Variants in LPAR6 observed in about 807,000 individuals in gnomAD.
The protein encoded by LPAR6 is lysophosphatidic acid receptor 6.
A neutral mutation model predicts 22.0 loss-of-function variants in LPAR6; 17 were observed. The ratio of observed to expected loss-of-function variants is 0.77; its 90% CI spans 0.53 to 1.16. The LOEUF (loss-of-function observed/expected upper bound fraction) is 1.16. Ranked by LOEUF, LPAR6 falls within the 50% of genes most tolerant of loss-of-function variation. LPAR6 has a pLI of 0.00. For synonymous variants in LPAR6, 136 were observed against 139.8 expected (o/e 0.97, Z 0.19); for missense variants, 384 against 406.9 (o/e 0.94, Z 0.48).
intron 1 of LPAR6, among the ~76,000 whole-genome samples, chr13:48,433,042 C>G (rs1298917961): frequency 6.6e-6 from 1 of 152,012 alleles, no homozygotes; most frequent in Non-Finnish European, 1.5e-5. Flanking sequence ...TCTACTGTGT[C>G]TTATAAACTC....
intron 1 of LPAR6, among the ~76,000 whole-genome samples, chr13:48,442,214 T>G (rs954805867): frequency 2.6e-5 from 4 of 152,104 alleles, no homozygotes; most frequent in African/African-American, 7.2e-5. Context: ...TTATTTTTTT[T>G]TTTTGAAATG....
intron 1 of LPAR6, among the ~76,000 whole-genome samples, chr13:48,405,790 A>C (rs939867221): frequency 2.0e-5 from 3 of 152,012 alleles, no homozygotes; most frequent in Non-Finnish European, 2.9e-5. Flanking sequence ...TTCCAACCCC[A>C]CCCTTGTTTT....
At chr13:48,424,706 C>T (rs1195366823) in intron 1 of LPAR6, among the ~76,000 whole-genome samples, 1 of 152,116 alleles carries the variant, frequency 6.6e-6, no homozygotes, top group Non-Finnish European at 1.5e-5. Flanking sequence ...CTTTTCTGTA[C>T]TTCCACAGTA....
chr13:48,412,109 C>G lies in LPAR6; in HGVS notation c.315G>C (p.Leu105=). ...GATCTACACTAATACAGGTTAAGAACAGAATGCTTCCGTACATGTTGGTAT... is the reference window on the plus strand; with the variant it reads ...GATCTACACTAATACAGGTTAAGAAGAGAATGCTTCCGTACATGTTGGTAT... ...LFYTNMYGSI[L]FLTCISVDRF... The change falls in exon 1 of 1, where the codon CTG becomes CTC. Residue 105 remains leucine, a synonymous_variant. Coordinates refer to ENST00000620633, the MANE Select transcript of LPAR6 (RefSeq NM_001162498.3). The G allele has an allele frequency of 6.2e-7, 1 of 1,613,370 alleles. No homozygotes were observed. The highest frequency in any genetic ancestry group is 8.5e-7 in the Non-Finnish European group (1 of 1,179,712).
At chr13:48,417,464 A>G (rs1948931791), upstream of LPAR6, 1 of 152,234 alleles carries the variant, frequency 6.6e-6, no homozygotes, top group African/African-American at 2.4e-5. Context: ...ATCCATGAAG[A>G]TGAGGAAAAA....
At chr13:48,416,942 A>G (rs1365121478), upstream of LPAR6, among the ~76,000 whole-genome samples, 1 of 152,210 alleles carries the variant, frequency 6.6e-6, no homozygotes, top group Non-Finnish European at 1.5e-5. Context: ...TAAAACTGCC[A>G]TCTCCCTGGG....
chr13:48,411,783 G>C lies in LPAR6; in HGVS notation c.641C>G (p.Pro214Arg). 6.2e-7 allele frequency: 1 copy of C among 1,611,418 alleles called. No homozygotes were observed. Among genetic ancestry groups the C allele is most frequent in the Non-Finnish European group, 8.5e-7 (1 of 1,177,800 alleles). Residue 214 changes from proline (P) to arginine (R), a missense_variant, in exon 1 of 1, where the codon CCT (proline) becomes CGT (arginine). Physicochemically the swap from Pro to Arg is moderately radical, Grantham distance 103 (BLOSUM62 -2). Transcript: ENST00000620633. ...SSMVLKTLTK[P>R]VTLSRSKINK... is the part of the protein sequence containing the mutation. ...TATTTTGCTTCTACTTAATGTAACA[G>C]GTTTGGTTAAAGTTTTTAGCACCAT... is the stretch of plus-strand genomic sequence containing the variant.
upstream of LPAR6, among the ~76,000 whole-genome samples, chr13:48,431,891 A>AT (rs202041268): frequency 4.6e-5 from 7 of 151,520 alleles, no homozygotes; most frequent in Admixed American, 2.6e-4. Flanking sequence ...ACTGATACTT[A>AT]TTTTTTTTTC....
intron 1 of LPAR6, among the ~76,000 whole-genome samples, chr13:48,400,558 G>C (rs917155010): frequency 6.6e-6 from 1 of 152,080 alleles, no homozygotes; most frequent in Non-Finnish European, 1.5e-5. Context: ...AAAGGGCCTA[G>C]ACTTTGAATT....
chr13:48,394,940 C>G (rs866023784), intron 1 of LPAR6, among the ~76,000 whole-genome samples: 1 of 152,224 alleles, frequency 6.6e-6, no homozygotes, highest in Non-Finnish European at 1.5e-5. Flanking sequence ...GACCCCTGTG[C>G]CTCCTGACTG....
chr13:48,407,674 G>T (rs1317255095), downstream of LPAR6, among the ~76,000 whole-genome samples: 1 of 152,118 alleles, frequency 6.6e-6, no homozygotes, highest in Non-Finnish European at 1.5e-5. Context: ...TCTTAAGTTT[G>T]TTCATTAGTC....
At chr13:48,436,830 C>T (rs1167074742) in intron 1 of LPAR6, among the ~76,000 whole-genome samples, 6 of 152,182 alleles carry the variant, frequency 3.9e-5, no homozygotes, top group East Asian at 3.8e-4. Context: ...TAGAATTTAG[C>T]TTAGGGTGGC....
intron 1 of LPAR6, among the ~76,000 whole-genome samples, chr13:48,399,335 A>G (rs2138177209): frequency 1.3e-5 from 2 of 152,158 alleles, no homozygotes; most frequent in Non-Finnish European, 2.9e-5. Context: ...AAAGAAGGCA[A>G]TATCTTAGGA....
At position 48,442,324 on chromosome 13, in the gene LPAR6, C is replaced by T. The variant is rs1324372800; in HGVS notation, c.-1474+2229G>A. Among the ~76,000 whole-genome samples the T allele has an allele frequency of 2.0e-5, 3 of 152,242 alleles. No individual in the cohort carries two copies. In the East Asian group the frequency reaches 5.8e-4, roughly 29 times the overall value. ...CACGCCATTCTCCTTCCTCAGCCTCCCGAGTAGCTGGGACTACAGGCGCAT... is the reference window on the plus strand; with the variant it reads ...CACGCCATTCTCCTTCCTCAGCCTCTCGAGTAGCTGGGACTACAGGCGCAT... On this transcript the variant is annotated intron_variant, in intron 1 of 6. Transcript: ENST00000378434.
chr13:48,422,034 T>C lies in LPAR6; in HGVS notation c.-954+616A>G, dbSNP rs372567559. On this transcript the variant is annotated intron_variant, in intron 2 of 4. Coordinates refer to the LPAR6 transcript ENST00000345941. ...ATTACTGGGTATATACCCAAAGGAT[T>C]ATAAATAATTCTAATATAAAGACAC... 2.0e-4 allele frequency among the ~76,000 whole-genome samples: 31 copies of C among 152,340 alleles called. No individual in the cohort carries two copies. The East Asian group carries it at 4.8e-3, about 24-fold the overall frequency.
At chr13:48,444,159 G>A (rs1304399601) in intron 1 of LPAR6, among the ~76,000 whole-genome samples, 1 of 152,020 alleles carries the variant, frequency 6.6e-6, no homozygotes, top group Non-Finnish European at 1.5e-5. Flanking sequence ...CTGACCTACT[G>A]GCTTCAAATT....
chr13:48,431,630 G>T (rs1275287010), upstream of LPAR6, among the ~76,000 whole-genome samples: 1 of 152,028 alleles, frequency 6.6e-6, no homozygotes. Flanking sequence ...AAAATTTGAG[G>T]GTTTCCTGTC....
chr13:48,429,993 A>G (rs1949113400), upstream of LPAR6, among the ~76,000 whole-genome samples: 1 of 152,216 alleles, frequency 6.6e-6, no homozygotes, highest in Non-Finnish European at 1.5e-5. Context: ...TAAAAATCTC[A>G]GTATGTTTTC....
chr13:48,391,429 A>G (rs1207118212), intron 1 of LPAR6: 1 of 152,050 alleles, frequency 6.6e-6, no homozygotes, highest in Admixed American at 6.6e-5. Flanking sequence ...CCTTGTGTAG[A>G]TCCAGATTCC....
Sources: gnomAD v4.1 joint callset for allele counts (sites outside exome capture counted in the v4.1 genomes callset) on GRCh38, gnomAD v4.1.1 for gene constraint, MANE v1.5 for transcripts, NCBI Gene and HGNC (gene_info 2026-07-23, HGNC 2026-07-21) for gene names.